Variants in DLGAP2 observed in about 807,000 individuals in gnomAD.
DLGAP2 encodes disks large-associated protein 2.
In DLGAP2, 26 loss-of-function variants were observed where a neutral mutation model predicts 100.3. That is an observed-to-expected ratio of 0.26 (90% CI 0.19 to 0.36). The LOEUF (loss-of-function observed/expected upper bound fraction) is 0.36. Among genes scored for constraint, DLGAP2 ranks in the 10% least tolerant of loss-of-function variants. The pLI, the probability that DLGAP2 is intolerant of heterozygous loss-of-function variation, is 1.00. For missense variants in DLGAP2, 1,858 were observed against 1,453.2 expected (o/e 1.28, Z -4.53); for synonymous variants, 886 against 630.1 (o/e 1.41, Z -6.08).
At chr8:1,281,720 C>A (rs1027040457) in intron 3 of DLGAP2, among the ~76,000 whole-genome samples, 1 of 152,298 alleles carries the variant, frequency 6.6e-6, no homozygotes, top group African/African-American at 2.4e-5. Context: ...CAGGGAGAGG[C>A]AGATGTCCTA....
intron 4 of DLGAP2, among the ~76,000 whole-genome samples, chr8:1,507,130 C>G (rs1434339264): frequency 6.6e-6 from 1 of 152,234 alleles, no homozygotes; most frequent in Non-Finnish European, 1.5e-5. Flanking sequence ...GCTGGGGCCA[C>G]GGGCAGAGCT....
intron 7 of DLGAP2, among the ~76,000 whole-genome samples, chr8:1,631,400 G>T (rs1458590525): frequency 6.6e-6 from 1 of 152,156 alleles, no homozygotes; most frequent in Non-Finnish European, 1.5e-5. Context: ...TGACAGGAAT[G>T]ACACAATCTA....
At chr8:1,335,950 A>C (rs1167804811) in intron 3 of DLGAP2, among the ~76,000 whole-genome samples, 1 of 152,236 alleles carries the variant, frequency 6.6e-6, no homozygotes, top group East Asian at 1.9e-4. Context: ...CGCGGGAGGC[A>C]TCAGGGCCCA....
intron 3 of DLGAP2, among the ~76,000 whole-genome samples, chr8:1,386,461 G>A (rs1285248843): frequency 6.6e-6 from 1 of 152,204 alleles, no homozygotes; most frequent in Admixed American, 6.5e-5. Flanking sequence ...GAGCGGCAGG[G>A]ACAGCTGGGA....
intron 6 of DLGAP2, among the ~76,000 whole-genome samples, chr8:1,613,542 TAA>T (rs35540568): frequency 1.3e-4 from 17 of 135,898 alleles, no homozygotes; most frequent in African/African-American, 4.0e-4. Context: ...TAAAGTATAA[TAA>T]AAAAAAAAAA....
intron 3 of DLGAP2, among the ~76,000 whole-genome samples, chr8:1,333,385 G>T (rs1321288989): frequency 5.9e-5 from 9 of 152,162 alleles, no homozygotes; most frequent in Admixed American, 3.3e-4. Context: ...AGGTTTTGCT[G>T]CCATATTCTA....
At chr8:1,258,956 A>G (rs748459331) in intron 3 of DLGAP2, 73 bp downstream of exon 3, 60 of 1,172,186 alleles carry the variant, frequency 5.1e-5, no homozygotes, top group Non-Finnish European at 5.9e-5. Context: ...GCAACAGTCT[A>G]CCATGAAACG....
At chr8:897,632 G>C (rs932102925) in intron 1 of DLGAP2, among the ~76,000 whole-genome samples, 1 of 152,150 alleles carries the variant, frequency 6.6e-6, no homozygotes, top group African/African-American at 2.4e-5. Context: ...GGCACCCCCT[G>C]CATCTTCTGT....
At chr8:1,204,119 G>A (rs1403141063) in intron 2 of DLGAP2, among the ~76,000 whole-genome samples, 3 of 152,242 alleles carry the variant, frequency 2.0e-5, no homozygotes, top group East Asian at 3.8e-4. Flanking sequence ...CTCTGAAAAG[G>A]TTGCCATACA....
At chr8:1,390,210 A>G (rs1185802543) in intron 3 of DLGAP2, among the ~76,000 whole-genome samples, 1 of 152,160 alleles carries the variant, frequency 6.6e-6, no homozygotes, top group African/African-American at 2.4e-5. Flanking sequence ...GATCTCTGCC[A>G]TAGTAATCAT....
At chr8:1,266,592 G>A (rs60373426) in intron 3 of DLGAP2, among the ~76,000 whole-genome samples, 3,374 of 152,242 alleles carry the variant, frequency 0.022, 120 homozygotes, top group African/African-American at 0.076. Flanking sequence ...CTACTGGTCT[G>A]TCCAATGCTG....
intron 1 of DLGAP2, among the ~76,000 whole-genome samples, chr8:759,488 A>C (rs547546738): frequency 6.7e-6 from 1 of 149,420 alleles, no homozygotes; most frequent in South Asian, 2.1e-4. Context: ...TCCGGAGTCC[A>C]CGGTTGACGT....
intron 2 of DLGAP2, among the ~76,000 whole-genome samples, chr8:995,883 T>C (rs927296178): frequency 1.3e-5 from 2 of 151,972 alleles, no homozygotes; most frequent in African/African-American, 4.8e-5. Flanking sequence ...GCTTCACAGG[T>C]GGGCTGGGGG....
chr8:1,493,455 G>A (rs1799452493), intron 3 of DLGAP2, among the ~76,000 whole-genome samples: 2 of 152,208 alleles, frequency 1.3e-5, no homozygotes, highest in South Asian at 4.1e-4. Context: ...GCCTCTGCGA[G>A]CCCAGTGCAT....
chr8:1,640,435 GCAA>G, intron 8 of DLGAP2, among the ~76,000 whole-genome samples: 1 of 152,310 alleles, frequency 6.6e-6, no homozygotes, highest in Admixed American at 6.5e-5. Context: ...CAGAAACCTG[GCAA>G]CAACGATATC....
chr8:1,476,478 G>T (rs1798933971), intron 3 of DLGAP2, among the ~76,000 whole-genome samples: 1 of 152,124 alleles, frequency 6.6e-6, no homozygotes, highest in Non-Finnish European at 1.5e-5. Flanking sequence ...CGCAGCGTGG[G>T]TATTTTGAGC....
rs914474311 is a variant in DLGAP2, at chr8:1,697,409, C to T, written c.2949+110C>T. On this transcript the variant is annotated intron_variant, in intron 14 of 14. Transcript: ENST00000637795. ...GGGGTTCTCAGTCTTTTGCTGGCAA[C>T]ACACGAGCAAATTTCCCTCTATGTA... The T allele has an allele frequency of 6.2e-6, 9 of 1,446,452 alleles. No individual in the cohort carries two copies. In the African/African-American group the frequency reaches 1.3e-4, roughly 21 times the overall value. The allele number at this position is 1,446,452 out of a possible 1,614,324, so 89.6% of individuals were successfully genotyped here. A position where few individuals can be genotyped will look rare whatever the true frequency, so the allele number is the denominator to read the frequency against.
intron 2 of DLGAP2, among the ~76,000 whole-genome samples, chr8:1,135,308 A>T (rs1041119052): frequency 2.0e-5 from 3 of 152,194 alleles, no homozygotes; most frequent in Non-Finnish European, 2.9e-5. Flanking sequence ...AAGAATTAAA[A>T]AGCAGCTTCA....
intron 4 of DLGAP2, among the ~76,000 whole-genome samples, chr8:1,514,314 G>A (rs947413112): frequency 1.6e-4 from 24 of 152,230 alleles, no homozygotes; most frequent in African/African-American, 4.8e-4. Context: ...CCTGCGAAGC[G>A]AAGGGTAACC....
Sources: allele counts gnomAD v4.1 joint callset (sites outside exome capture counted in the v4.1 genomes callset), GRCh38; gene constraint gnomAD v4.1.1; transcripts MANE v1.5; gene names NCBI Gene and HGNC (gene_info 2026-07-23, HGNC 2026-07-21).